Variants in ZNF778 observed in about 807,000 individuals in gnomAD.
ZNF778 encodes the protein zinc finger protein 778.
ZNF778 carries 37 observed loss-of-function variants against 23.9 expected under a neutral mutation model. The ratio of observed to expected loss-of-function variants is 1.54; its 90% confidence interval spans 1.19 to 2.03. The LOEUF (loss-of-function observed/expected upper bound fraction) is 2.03. Ranked by LOEUF, ZNF778 falls within the 30% of genes most tolerant of loss-of-function variation. The pLI, the probability that ZNF778 is intolerant of heterozygous loss-of-function variation, is 0.00. For synonymous variants in ZNF778, 483 were observed against 343.9 expected (o/e 1.40, Z -4.48); for missense variants, 1,297 against 934.4 (o/e 1.39, Z -5.06).
At position 89,228,363 on chromosome 16, in the gene ZNF778, G is replaced by A. The variant is rs781345934; in HGVS notation, c.2075G>A (p.Gly692Glu). 6.2e-7 allele frequency: 1 copy of A among 1,613,648 alleles called. No individual in the cohort carries two copies. Among genetic ancestry groups the A allele is most frequent in the Admixed American group, 1.7e-5 (1 of 59,930 alleles). Residue 692 changes from glycine to glutamate, a missense_variant, in exon 7 of 7, where the codon GGA becomes GAA. By Grantham distance (98) the Gly-to-Glu change is moderately conservative. Coordinates refer to ENST00000433976, the MANE Select transcript of ZNF778 (RefSeq NM_001201407.2). ...FRASSHLHKH[G>E]RIHTGQKPYK... ...GCCTCCTCTCACCTGCATAAACATG[G>A]AAGAATTCACACTGGGCAGAAACCC...
Position 89,229,983 on chromosome 16 carries a change from A to T in ZNF778, c.*1421A>T. On this transcript the variant is annotated 3_prime_UTR_variant, in exon 7 of 7. Coordinates refer to ENST00000433976, the MANE Select transcript of ZNF778 (RefSeq NM_001201407.2). ...TGGTTGGTTAGTCTTGAGGATCCAGATGTGATCCTGTGTGAGCAGTGTAGG... is the reference window on the plus strand; with the variant it reads ...TGGTTGGTTAGTCTTGAGGATCCAGTTGTGATCCTGTGTGAGCAGTGTAGG... 1.0e-6 allele frequency: 1 copy of T among 982,856 alleles called. No homozygotes were observed. The highest frequency in any genetic ancestry group is 1.7e-5 in the African/African-American group (1 of 57,158). The allele number at this position is 982,856 out of a possible 1,614,324, so 60.9% of individuals were successfully genotyped here.
chr16:89,233,411 TCGCAC>T lies in ZNF778; in HGVS notation c.*4850_*4854del. The T allele has an allele frequency of 9.3e-7, 1 of 1,070,822 alleles. No individual in the cohort carries two copies. Among genetic ancestry groups the T allele is most frequent in the African/African-American group, 1.7e-5 (1 of 58,858 alleles). 66.3% of individuals were successfully genotyped at this position (1,070,822 alleles called of 1,614,324 possible). A position where few individuals can be genotyped will look rare whatever the true frequency, so the allele number is the denominator to read the frequency against. ...ACTCGCACTGCGTATGCAACTCAAC[TCGCAC>T]TGCGTATGCAACTCAACTCGCACTG... On this transcript the variant is annotated 3_prime_UTR_variant, in exon 7 of 7. Transcript: ENST00000433976.
At position 89,228,037 on chromosome 16, in the gene ZNF778, C is replaced by T. The variant is rs1446505055; in HGVS notation, c.1749C>T (p.His583=). 6.3e-7 allele frequency: 1 copy of T among 1,589,442 alleles called. No individual in the cohort carries two copies. Among genetic ancestry groups the T allele is most frequent in the South Asian group, 1.1e-5 (1 of 88,100 alleles). Residue 583 remains histidine, a synonymous_variant, in exon 7 of 7, where the codon CAC becomes CAT. Transcript: ENST00000433976. ...SSCLNKHIQI[H]TGIKPYECKD... ...GCCTGAATAAGCACATTCAGATTCA[C>T]ACTGGAATAAAACCTTATGAATGTA...
rs2031792043 is a variant in ZNF778 at position 89,229,504 on chromosome 16, C to T, written c.*942C>T. On this transcript the variant is annotated 3_prime_UTR_variant, in exon 7 of 7. Coordinates refer to ENST00000433976, the MANE Select transcript of ZNF778 (RefSeq NM_001201407.2). ...CTCTGGTTGGTTAGTCTTGAGGATC[C>T]AGATGTGATTCTGTGAGCAGCATAG... is the stretch of plus-strand genomic sequence containing the variant. The T allele has an allele frequency of 1.0e-6, 1 of 969,606 alleles. No homozygotes were observed. The highest frequency in any genetic ancestry group is 2.0e-5 in the African/African-American group (1 of 49,792). 60.1% of individuals were successfully genotyped at this position (969,606 alleles called of 1,614,324 possible).
intron 5 of ZNF778, 117 bp downstream of exon 5, chr16:89,224,919 C>A: frequency 1.4e-6 from 1 of 739,628 alleles, no homozygotes; most frequent in Non-Finnish European, 2.3e-6. Context: ...GTGGGAGGAT[C>A]CTGAGTGTCG....
chr16:89,227,630 C>T lies in ZNF778; in HGVS notation c.1342C>T (p.Pro448Ser). The T allele has an allele frequency of 1.2e-6, 2 of 1,614,152 alleles. No individual in the cohort carries two copies. Among genetic ancestry groups the T allele is most frequent in the South Asian group, 1.1e-5 (1 of 91,074 alleles). The change falls in exon 7 of 7, where the codon CCA (proline) becomes TCA (serine). Residue 448 changes from proline to serine, a missense_variant. Coordinates refer to ENST00000433976, the MANE Select transcript of ZNF778 (RefSeq NM_001201407.2). ...RHVRTHTGEK[P>S]YTCKDCGKAF... ...CGTACGAACACACACGGGCGAGAAG[C>T]CATACACGTGTAAGGACTGCGGGAA...
intron 3 of ZNF778, 72 bp from the exon 4 acceptor site, chr16:89,223,085 C>T (rs2031124605): frequency 3.2e-6 from 5 of 1,550,670 alleles, no homozygotes; most frequent in Non-Finnish European, 4.4e-6. Flanking sequence ...GCGTAGGGCC[C>T]CGCCTCCTCA....
chr16:89,227,090 T>C lies in ZNF778; in HGVS notation c.802T>C (p.Cys268Arg). 3 of 1,614,016 alleles carry C rather than the reference T, an allele frequency of 1.9e-6. No homozygotes were observed. Among genetic ancestry groups the C allele is most frequent in the Non-Finnish European group, 2.5e-6 (3 of 1,179,898 alleles). The change falls in exon 7 of 7, where the codon TGC (cysteine) becomes CGC (arginine). Residue 268 changes from cysteine to arginine, a missense_variant. Physicochemically the swap from Cys to Arg is radical, Grantham distance 180 (BLOSUM62 -3). Coordinates refer to ENST00000433976, the MANE Select transcript of ZNF778 (RefSeq NM_001201407.2). ...GAAAGCTCTAACTCACTCCATGGGC[T>C]GCGCCACACCTGTTGAAATGCATGC... ...CGKALTHSMG[C>R]ATPVEMHAVR...
In ZNF778 at chr16:89,227,757, C is replaced by G; in HGVS notation, c.1469C>G (p.Ser490Ter). The change falls in exon 7 of 7, where the codon TCA becomes TGA. Residue 490 changes from serine (S) to a stop codon, truncating the protein, a stop_gained. Transcript: ENST00000433976. LOFTEE classifies it low-confidence loss of function (END_TRUNC). Reference protein sequence around the residue: ...KDCGKSFTVSSSLTEHARIHT... With the variant: ...KDCGKSFTVS Reference sequence around the variant, plus strand: ...TGTGGGAAATCCTTCACTGTTTCTTCAAGCCTGACTGAGCACGCGAGAATC... The same window carrying G: ...TGTGGGAAATCCTTCACTGTTTCTTGAAGCCTGACTGAGCACGCGAGAATC... 6.2e-7 allele frequency: 1 copy of G among 1,613,120 alleles called. No individual in the cohort carries two copies. The highest frequency in any genetic ancestry group is 8.5e-7 in the Non-Finnish European group (1 of 1,179,214).
intron 1 of ZNF778, among the ~76,000 whole-genome samples, chr16:89,218,968 A>G (rs888975345): frequency 6.7e-6 from 1 of 149,096 alleles, no homozygotes; most frequent in South Asian, 2.1e-4. Flanking sequence ...TTAGCCTTGC[A>G]TGGTGGCGCA....
In ZNF778 at chr16:89,227,637, C is replaced by T. The variant is rs920261023; in HGVS notation, c.1349C>T (p.Thr450Met). 34 of 1,613,858 alleles carry T rather than the reference C, an allele frequency of 2.1e-5. No individual in the cohort carries two copies. Among genetic ancestry groups the T allele is most frequent in the East Asian group, 4.5e-5 (2 of 44,886 alleles). Residue 450 changes from threonine to methionine, a missense_variant, in exon 7 of 7, where the codon ACG (threonine) becomes ATG (methionine). Physicochemically the swap from Thr to Met is moderately conservative, Grantham distance 81 (BLOSUM62 -1). Coordinates refer to ENST00000433976, the MANE Select transcript of ZNF778 (RefSeq NM_001201407.2). The stretch of plus-strand genomic sequence containing the variant: ...ACACACACGGGCGAGAAGCCATACA[C>T]GTGTAAGGACTGCGGGAAAGCCTTC... ...VRTHTGEKPY[T>M]CKDCGKAFCT...
In ZNF778 at chr16:89,230,919, G is replaced by A. The variant is rs1306234229; in HGVS notation, c.*2357G>A. 1.3e-5 allele frequency: 2 copies of A among 152,270 alleles called. No individual in the cohort carries two copies. The highest frequency in any genetic ancestry group is 1.3e-4 in the Admixed American group (2 of 15,286). The allele number at this position is 152,270 out of a possible 1,614,324, so 9.4% of individuals were successfully genotyped here. On this transcript the variant is annotated 3_prime_UTR_variant, in exon 7 of 7. Coordinates refer to ENST00000433976, the MANE Select transcript of ZNF778 (RefSeq NM_001201407.2). The stretch of plus-strand genomic sequence containing the variant: ...ACGTGTTTGAAATTCTGGATGGACA[G>A]ACCCATGCACCTTCATGTTACGTGT...
chr16:89,226,872 A>G lies in ZNF778; in HGVS notation c.584A>G (p.Glu195Gly), dbSNP rs1393671661. ...PCQKTLFKIG[E>G]QFSVLGQCGK... is the part of the protein sequence containing the mutation. ...CAGAAAACCTTGTTCAAAATTGGAG[A>G]GCAGTTTTCCGTGTTGGGTCAGTGT... The change falls in exon 7 of 7, where the codon GAG becomes GGG. Residue 195 changes from glutamate to glycine, a missense_variant. Glu to Gly is a moderately conservative substitution (Grantham distance 98). Transcript: ENST00000433976. 7 of 1,613,908 alleles carry G rather than the reference A, an allele frequency of 4.3e-6. No homozygotes were observed. The highest frequency in any genetic ancestry group is 1.3e-5 in the African/African-American group (1 of 74,932).
chr16:89,223,861 G>A (rs140148557), intron 4 of ZNF778, among the ~76,000 whole-genome samples: 432 of 112,518 alleles, frequency 3.8e-3, no homozygotes, highest in African/African-American at 0.012. Context: ...GTGACAGAGC[G>A]AGACTCCATC....
At position 89,233,506 on chromosome 16, in the gene ZNF778, C is replaced by T. The variant is rs567335631; in HGVS notation, c.*4944C>T. ...CACACTGCGTATGCAACTCAGCTTG[C>T]TCTGTGTATGCAACTCAACTCGCAC... On this transcript the variant is annotated 3_prime_UTR_variant, in exon 7 of 7. Coordinates refer to ENST00000433976, the MANE Select transcript of ZNF778 (RefSeq NM_001201407.2). 711 of 1,269,080 alleles carry T rather than the reference C, an allele frequency of 5.6e-4. 5 individuals are homozygous for T. The highest frequency in any genetic ancestry group is 2.4e-3 in the South Asian group (188 of 79,696). The allele number at this position is 1,269,080 out of a possible 1,614,324, so 78.6% of individuals were successfully genotyped here. A position where few individuals can be genotyped will look rare whatever the true frequency, so the allele number is the denominator to read the frequency against.
chr16:89,221,249 T>G, intron 2 of ZNF778, 97 bp downstream of exon 2: 8 of 1,380,000 alleles, frequency 5.8e-6, no homozygotes, highest in Non-Finnish European at 6.9e-6. Context: ...GTAGTCACGC[T>G]CCGGGTTCCT....
rs1242357802 is a variant in ZNF778 at position 89,236,528 on chromosome 16, TAGA to T, written c.*7970_*7972del. The T allele has an allele frequency of 1.3e-5, 2 of 152,166 alleles. No homozygotes were observed. Among genetic ancestry groups the T allele is most frequent in the Non-Finnish European group, 2.9e-5 (2 of 68,024 alleles). 9.4% of individuals were successfully genotyped at this position (152,166 alleles called of 1,614,324 possible). ...GAAACCTGGAACAAAGGAAAAGCAA[TAGA>T]AGAGTAAATACCTGAGTAAATAGAT... On this transcript the variant is annotated 3_prime_UTR_variant, in exon 7 of 7. Transcript: ENST00000433976.
At chr16:89,223,421 C>T (rs1242475386) in intron 4 of ZNF778, 138 bp downstream of exon 4, 5 of 1,217,374 alleles carry the variant, frequency 4.1e-6, no homozygotes, top group African/African-American at 1.5e-5. Flanking sequence ...AGGCTTGGTG[C>T]TAGTGTGGTC....
rs1453513960 is a variant in ZNF778, at chr16:89,229,012, C to G, written c.*450C>G. 1 of 992,680 alleles carries G rather than the reference C, an allele frequency of 1.0e-6. No homozygotes were observed. The highest frequency in any genetic ancestry group is 1.2e-6 in the Non-Finnish European group (1 of 834,786). 61.5% of individuals were successfully genotyped at this position (992,680 alleles called of 1,614,324 possible). A position where few individuals can be genotyped will look rare whatever the true frequency, so the allele number is the denominator to read the frequency against. On this transcript the variant is annotated 3_prime_UTR_variant, in exon 7 of 7. Coordinates refer to ENST00000433976, the MANE Select transcript of ZNF778 (RefSeq NM_001201407.2). ...CAGTCGCTTCCCTGTGTTCTAAAACCTTGTGGGCTAACTTGAGACATGTCT... is the reference window on the plus strand; with the variant it reads ...CAGTCGCTTCCCTGTGTTCTAAAACGTTGTGGGCTAACTTGAGACATGTCT...
Sources: gnomAD v4.1 joint callset for allele counts (sites outside exome capture counted in the v4.1 genomes callset) on GRCh38, gnomAD v4.1.1 for gene constraint, MANE v1.5 for transcripts, NCBI Gene and HGNC (gene_info 2026-07-23, HGNC 2026-07-21) for gene names.